SEC14L6: variants seen among roughly 807,000 people sequenced by gnomAD.
The protein encoded by SEC14L6 is SEC14 like lipid binding 6, also known as SEC14-like protein 6.
SEC14L6 carries 40 observed loss-of-function variants against 54.1 expected under a neutral mutation model. The ratio of observed to expected loss-of-function variants is 0.74; its 90% confidence interval spans 0.57 to 0.96. SEC14L6 has a LOEUF of 0.96. Ranked by LOEUF, SEC14L6 falls within the 40% of genes least tolerant of loss-of-function variation. The pLI is 0.00. For synonymous variants in SEC14L6, 171 were observed against 198.4 expected, an observed-to-expected ratio of 0.86 and a Z score of 1.16; for missense variants, 471 against 498.3, an observed-to-expected ratio of 0.95 and a Z score of 0.52.
chr22:30,530,791 G>C (rs752718263), intron 6 of SEC14L6, among the ~76,000 whole-genome samples: 2 of 152,224 alleles, frequency 1.3e-5, no homozygotes, highest in Non-Finnish European at 2.9e-5. Context: ...TGCGGCCCAG[G>C]CCTCCCCACA....
rs981229020 is a variant in SEC14L6 at position 30,546,669 on chromosome 22, A to T, written c.14T>A (p.Val5Glu). The T allele has an allele frequency of 2.6e-6, 4 of 1,550,296 alleles. No individual in the cohort carries two copies. The highest frequency in any genetic ancestry group is 2.6e-6 in the Non-Finnish European group (3 of 1,146,946). Reference sequence around the variant, plus strand: ...CTCCTGCGATGGGCTCAGGTCACCCACTTGTCCACTCATGCTGCCCATGAA... The same window carrying T: ...CTCCTGCGATGGGCTCAGGTCACCCTCTTGTCCACTCATGCTGCCCATGAA... MSGQVGDLSPSQEKS... is the reference protein window; with the variant it reads MSGQEGDLSPSQEKS... The change falls in exon 1 of 12, where the codon GTG becomes GAG. Residue 5 changes from valine (V) to glutamate (E), a missense_variant. Physicochemically the swap from Val to Glu is moderately radical, Grantham distance 121. Coordinates refer to ENST00000402034, the MANE Select transcript of SEC14L6 (RefSeq NM_001193336.4).
At chr22:30,538,949 G>C (rs75721480) in intron 1 of SEC14L6, 47 bp from the exon 2 acceptor site, 1 of 1,300,334 alleles carries the variant, frequency 7.7e-7, no homozygotes, top group Non-Finnish European at 1.1e-6. Flanking sequence ...AACCACCCTC[G>C]GTCCTGCAGG....
chr22:30,531,410 AAAAAG>A (rs372813171), intron 6 of SEC14L6, among the ~76,000 whole-genome samples: 22 of 149,876 alleles, frequency 1.5e-4, no homozygotes, highest in East Asian at 4.0e-4. Flanking sequence ...CTGTCTCAAA[AAAAAG>A]AAAAGAAAAG....
intron 2 of SEC14L6, among the ~76,000 whole-genome samples, chr22:30,535,581 G>A (rs142488821): frequency 8.1e-4 from 123 of 152,324 alleles, no homozygotes; most frequent in African/African-American, 2.7e-3. Context: ...GGGACTAGAC[G>A]CCTGTCTTTG....
chr22:30,546,295 A>C (rs1212032899), intron 1 of SEC14L6, among the ~76,000 whole-genome samples: 1 of 146,824 alleles, frequency 6.8e-6, no homozygotes, highest in African/African-American at 2.5e-5. Flanking sequence ...GGGCAGGAGA[A>C]TTGCTTGAAC....
chr22:30,531,570 C>T (rs1936974025), intron 6 of SEC14L6, among the ~76,000 whole-genome samples: 1 of 151,990 alleles, frequency 6.6e-6, no homozygotes, highest in African/African-American at 2.4e-5. Context: ...ACTAAAAATA[C>T]AAAATTAGCC....
rs2085643405 is a variant in SEC14L6, at chr22:30,538,717, A to C, written c.130+110T>G. ...ATCACGAGAGATAATAAATGTTTGC[A>C]GTTGTTTTAAATGGCTATGTTTTGG... On this transcript the variant is annotated intron_variant, in intron 2 of 11. Transcript: ENST00000402034. 7 of 718,654 alleles carry C rather than the reference A, an allele frequency of 9.7e-6. No homozygotes were observed. The East Asian group carries it at 1.2e-4, about 12-fold the overall frequency. The allele number at this position is 718,654 out of a possible 1,614,324, so 44.5% of individuals were successfully genotyped here. A position where few individuals can be genotyped will look rare whatever the true frequency, so the allele number is the denominator to read the frequency against.
At position 30,525,471 on chromosome 22, in the gene SEC14L6, C is replaced by T. The variant is rs755810372; in HGVS notation, c.960G>A (p.Leu320=). The change falls in exon 11 of 12, where the codon CTG becomes CTA. Residue 320 remains leucine (L), a synonymous_variant. Coordinates refer to ENST00000402034, the MANE Select transcript of SEC14L6 (RefSeq NM_001193336.4). ...TCTGCCGCTCCCCCATCTTGGTCTT[C>T]AGGAAAACCCCAAAGCCAATGTCCC... The part of the protein sequence containing the change: ...DGGDIGFGVF[L]KTKMGERQRA... 2 of 1,614,194 alleles carry T rather than the reference C, an allele frequency of 1.2e-6. No individual in the cohort carries two copies. The highest frequency in any genetic ancestry group is 3.3e-5 in the Admixed American group (2 of 60,022).
At chr22:30,542,693 AGTCT>A in intron 1 of SEC14L6, 1 of 1,547,558 alleles carries the variant, frequency 6.5e-7, no homozygotes, top group Non-Finnish European at 8.8e-7. Context: ...CAGCCTGAGA[AGTCT>A]GTATCAGTTG....
At chr22:30,526,690 C>G (rs532431366) in intron 8 of SEC14L6, among the ~76,000 whole-genome samples, 1 of 134,548 alleles carries the variant, frequency 7.4e-6, no homozygotes, top group Non-Finnish European at 1.5e-5. Context: ...AGACCACACC[C>G]TGTACTCCAG....
chr22:30,543,173 G>A, intron 1 of SEC14L6: 2 of 1,603,750 alleles, frequency 1.2e-6, no homozygotes, highest in Non-Finnish European at 1.7e-6. Flanking sequence ...GACCCCGCAA[G>A]AGAGAGCGTG....
intron 1 of SEC14L6, chr22:30,542,668 G>A: frequency 6.6e-7 from 1 of 1,515,694 alleles, no homozygotes; most frequent in Non-Finnish European, 8.9e-7. Flanking sequence ...GGGTGAGGAG[G>A]AGCTGCAGGT....
At chr22:30,528,422 C>CCTTTTTTTTTTTTTTTTTT (rs773969166) in intron 8 of SEC14L6, among the ~76,000 whole-genome samples, 3 of 105,536 alleles carry the variant, frequency 2.8e-5, no homozygotes, top group African/African-American at 1.2e-4. Context: ...CGCTCGGCCT[C>CCTTTTTTTTTTTTTTTTTT]TTTTTTTTTT....
intron 5 of SEC14L6, 21 bp downstream of exon 5, chr22:30,532,504 C>T: frequency 1.3e-6 from 2 of 1,536,962 alleles, no homozygotes; most frequent in Non-Finnish European, 1.8e-6. Context: ...GCTGCAGCTG[C>T]CCAGGGTGGC....
At chr22:30,530,503 C>T (rs536857052) in intron 6 of SEC14L6, among the ~76,000 whole-genome samples, 14 of 152,308 alleles carry the variant, frequency 9.2e-5, no homozygotes, top group African/African-American at 3.1e-4. Context: ...TGGGCTCAAA[C>T]GATCATCCCA....
chr22:30,540,499 T>C (rs2085685465), intron 1 of SEC14L6, among the ~76,000 whole-genome samples: 2 of 151,754 alleles, frequency 1.3e-5, no homozygotes, highest in Non-Finnish European at 1.5e-5. Flanking sequence ...GTGGATTGCT[T>C]GAGCTCAGGA....
At chr22:30,538,698 A>C in intron 2 of SEC14L6, 129 bp downstream of exon 2, 1 of 662,058 alleles carries the variant, frequency 1.5e-6, no homozygotes. Flanking sequence ...AGAAATCACG[A>C]GAGATAATAA....
At chr22:30,527,546 A>T (rs932485498) in intron 8 of SEC14L6, among the ~76,000 whole-genome samples, 1 of 151,720 alleles carries the variant, frequency 6.6e-6, no homozygotes, top group Non-Finnish European at 1.5e-5. Flanking sequence ...GCTACACTGA[A>T]AAAGTTATCA....
chr22:30,543,779 C>T, intron 1 of SEC14L6: 3 of 1,531,718 alleles, frequency 2.0e-6, no homozygotes, highest in Non-Finnish European at 2.7e-6. Flanking sequence ...GCCCAGGGCT[C>T]CACTTCTTCT....
Sources: gnomAD v4.1 joint callset for allele counts (sites outside exome capture counted in the v4.1 genomes callset) on GRCh38, gnomAD v4.1.1 for gene constraint, MANE v1.5 for transcripts, NCBI Gene and HGNC (gene_info 2026-07-23, HGNC 2026-07-21) for gene names.